Variants in NBEAL2 observed in about 807,000 individuals in gnomAD.
NBEAL2 encodes neurobeachin like 2, also known as neurobeachin-like protein 2.
In NBEAL2, 160 loss-of-function variants were observed where a neutral mutation model predicts 299.8. That is an observed-to-expected ratio of 0.53 (90% CI 0.47 to 0.61). The LOEUF is 0.61. NBEAL2 is among the 20% of genes least tolerant of loss of function. The pLI, the probability that NBEAL2 is intolerant of heterozygous loss-of-function variation, is 0.00. For missense variants in NBEAL2, 3,112 were observed against 3,649.0 expected, an observed-to-expected ratio of 0.85 and a Z score of 3.79; for synonymous variants, 1,493 against 1,542.3, an observed-to-expected ratio of 0.97 and a Z score of 0.75.
intron 47 of NBEAL2, 53 bp downstream of exon 47, chr3:47,007,403 T>C: frequency 1.3e-6 from 2 of 1,560,518 alleles, no homozygotes; most frequent in Non-Finnish European, 1.7e-6. Context: ...GCACCCGGAA[T>C]TATTCCCCTC....
Position 47,000,507 on chromosome 3 carries a change from A to C in NBEAL2, c.4305+103A>C. The C allele has an allele frequency of 2.1e-6, 3 of 1,444,440 alleles. No individual in the cohort carries two copies. Among genetic ancestry groups the C allele is most frequent in the Non-Finnish European group, 2.8e-6 (3 of 1,075,220 alleles). 89.5% of individuals were successfully genotyped at this position (1,444,440 alleles called of 1,614,324 possible). On this transcript the variant is annotated intron_variant, in intron 27 of 53. Coordinates refer to ENST00000450053, the MANE Select transcript of NBEAL2 (RefSeq NM_015175.3). The surrounding 1 kb of genome is among the most constrained non-coding windows in gnomAD (Gnocchi z 4.5). ...CTCTCCAAAGGTGTGGCCCTGTCTG[A>C]CCAGGGTTGCAGCCACTGGTCAGGC...
intron 15 of NBEAL2, 63 bp from the exon 16 acceptor site, chr3:46,996,208 G>C: frequency 6.3e-7 from 1 of 1,590,112 alleles, no homozygotes; most frequent in East Asian, 2.2e-5. Flanking sequence ...GTGAGGAACT[G>C]GTTGTAGGCG....
rs768807229 is a variant in NBEAL2 at position 46,998,834 on chromosome 3, G to A, written c.3339G>A (p.Thr1113=). The A allele has an allele frequency of 1.0e-5, 16 of 1,577,702 alleles. No homozygotes were observed. Among genetic ancestry groups the A allele is most frequent in the Non-Finnish European group, 1.4e-5 (16 of 1,162,046 alleles). The change falls in exon 23 of 54, where the codon ACG becomes ACA. Residue 1113 remains threonine (T), a synonymous_variant. Transcript: ENST00000450053. The part of the protein sequence containing the change: ...RSLSADDVQV[T]QTMLSFLAAT... ...TCTCAGCAGATGACGTGCAGGTCAC[G>A]CAGACCATGCTGAGCTTTTTGGCGG...
At chr3:46,993,227 G>T (rs575266065) in intron 10 of NBEAL2, among the ~76,000 whole-genome samples, 1 of 152,234 alleles carries the variant, frequency 6.6e-6, no homozygotes, top group South Asian at 2.1e-4. Context: ...TACAGATGAG[G>T]ACACTGAGGC....
chr3:46,996,657 G>C (rs932361814), intron 16 of NBEAL2, 65 bp downstream of exon 16: 6 of 1,525,258 alleles, frequency 3.9e-6, no homozygotes, highest in South Asian at 3.8e-5. Flanking sequence ...GGGGGAGAAG[G>C]CATCTCTGGG....
rs190479760 is a variant in NBEAL2 at position 47,002,325 on chromosome 3, G to T, written c.5151+37G>T. ...TTGGGGCCCAGGAAGAGGAGTGGGG[G>T]CTGGGGCCCACATCGAGCACTGTTC... On this transcript the variant is annotated intron_variant, in intron 31 of 53. Coordinates refer to ENST00000450053, the MANE Select transcript of NBEAL2 (RefSeq NM_015175.3). The T allele has an allele frequency of 6.2e-6, 10 of 1,601,592 alleles. No homozygotes were observed. The East Asian group carries it at 1.8e-4, about 29-fold the overall frequency.
chr3:47,005,256 C>A lies in NBEAL2; in HGVS notation c.6495C>A (p.Gly2165=), dbSNP rs757674940. The change falls in exon 40 of 54, where the codon GGC becomes GGA. Residue 2165 remains glycine, a synonymous_variant. Coordinates refer to ENST00000450053, the MANE Select transcript of NBEAL2 (RefSeq NM_015175.3). The part of the protein sequence containing the change: ...HYGTHYSNAA[G]VMHYLIRVEP... ...GCACCCACTACTCCAATGCAGCAGG[C>A]GTGATGCACTACCTCATCCGCGTGG... 1.9e-6 allele frequency: 3 copies of A among 1,613,388 alleles called. No homozygotes were observed. The highest frequency in any genetic ancestry group is 2.7e-5 in the African/African-American group (2 of 74,956).
rs772600481 is a variant in NBEAL2 at position 47,002,482 on chromosome 3, C to A, written c.5263C>A (p.Arg1755Ser). 1.9e-6 allele frequency: 3 copies of A among 1,612,910 alleles called. No homozygotes were observed. The African/African-American group carries it at 4.0e-5, about 22-fold the overall frequency. ...CATGCTTATGAGCAGTGGGCAGCGGCGCCAGTGGGAGCGCGCCCAGAGTCG... is the reference window on the plus strand; with the variant it reads ...CATGCTTATGAGCAGTGGGCAGCGGAGCCAGTGGGAGCGCGCCCAGAGTCG... Reference protein sequence around the residue: ...YDMLMSSGQRRQWERAQSRRA... With the variant: ...YDMLMSSGQRSQWERAQSRRA... The change falls in exon 32 of 54, where the codon CGC (arginine) becomes AGC (serine). Residue 1755 changes from arginine (R) to serine (S), a missense_variant. Physicochemically the swap from Arg to Ser is moderately radical, Grantham distance 110. Coordinates refer to ENST00000450053, the MANE Select transcript of NBEAL2 (RefSeq NM_015175.3).
rs187699322 is a variant in NBEAL2, at chr3:47,003,189, C to T, written c.5600C>T (p.Thr1867Ile). The T allele has an allele frequency of 2.8e-4, 453 of 1,609,356 alleles. 1 individual carries two copies. The African/African-American group carries it at 5.4e-3, about 19-fold the overall frequency. Reference protein sequence around the residue: ...LRDNLGEVPLTPTEEASLPLA... With the variant: ...LRDNLGEVPLIPTEEASLPLA... ...CCCCTTGCAGGTGAGGTTCCCCTGA[C>T]ACCCACCGAGGAGGCCTCACTGCCT... The change falls in exon 35 of 54, where the codon ACA becomes ATA. Residue 1867 changes from threonine to isoleucine, a missense_variant. Physicochemically the swap from Thr to Ile is moderately conservative, Grantham distance 89. Transcript: ENST00000450053. This position sits in a 1 kb window ranked among gnomAD's most constrained non-coding sequence, Gnocchi z 7.0.
At position 46,979,856 on chromosome 3, in the gene NBEAL2, C is replaced by T. The variant is rs947179548; in HGVS notation, c.-6C>T. Reference sequence around the variant, plus strand: ...GCGCGCAGCAGGGCCGGAGCCGGGCCGGGCCATGGCCGCCTCGGAGCGGCT... The same window carrying T: ...GCGCGCAGCAGGGCCGGAGCCGGGCTGGGCCATGGCCGCCTCGGAGCGGCT... On this transcript the variant is annotated 5_prime_UTR_variant, in exon 1 of 54. Transcript: ENST00000450053. 8.7e-6 allele frequency: 4 copies of T among 461,132 alleles called. No homozygotes were observed. In the East Asian group the frequency reaches 1.5e-4, roughly 17 times the overall value. 28.6% of individuals were successfully genotyped at this position (461,132 alleles called of 1,614,324 possible).
Position 47,004,211 on chromosome 3 carries a change from G to A in NBEAL2, c.6016G>A (p.Val2006Met), listed in dbSNP as rs762950902. The A allele has an allele frequency of 6.2e-7, 1 of 1,613,752 alleles. No homozygotes were observed. Among genetic ancestry groups the A allele is most frequent in the Non-Finnish European group, 8.5e-7 (1 of 1,179,822 alleles). ...ANYFLNFPCKVGTTPVSSPSQ... is the reference protein window; with the variant it reads ...ANYFLNFPCKMGTTPVSSPSQ... Reference sequence around the variant, plus strand: ...CTACTTCCTCAACTTCCCATGCAAGGTGGGCACGACCCCAGTCTCATCTCC... The same window carrying A: ...CTACTTCCTCAACTTCCCATGCAAGATGGGCACGACCCCAGTCTCATCTCC... The change falls in exon 37 of 54, where the codon GTG becomes ATG. Residue 2006 changes from valine to methionine, a missense_variant. By Grantham distance (21) the Val-to-Met change is conservative. Coordinates refer to ENST00000450053, the MANE Select transcript of NBEAL2 (RefSeq NM_015175.3). The surrounding 1 kb of genome is among the most constrained non-coding windows in gnomAD (Gnocchi z 5.0).
intron 18 of NBEAL2, 58 bp from the exon 19 acceptor site, chr3:46,997,201 G>A (rs2036565953): frequency 6.2e-7 from 1 of 1,600,608 alleles, no homozygotes; most frequent in African/African-American, 1.3e-5. Flanking sequence ...CTGCTGGGGT[G>A]GAGTAGGGCA....
Position 47,001,557 on chromosome 3 carries a change from T to G in NBEAL2, c.4644+119T>G. 5.8e-6 allele frequency: 9 copies of G among 1,554,298 alleles called. No individual in the cohort carries two copies. Among genetic ancestry groups the G allele is most frequent in the Non-Finnish European group, 7.9e-6 (9 of 1,146,482 alleles). Reference sequence around the variant, plus strand: ...GCAGGTGTGGGTGCATCAGCATGAATGCCTGTGAGTGTGGACTTGCCTGTG... The same window carrying G: ...GCAGGTGTGGGTGCATCAGCATGAAGGCCTGTGAGTGTGGACTTGCCTGTG... On this transcript the variant is annotated intron_variant, in intron 29 of 53. Transcript: ENST00000450053. The surrounding 1 kb of genome is among the most constrained non-coding windows in gnomAD (Gnocchi z 6.1).
rs934660612 is a variant in NBEAL2, at chr3:47,000,162, C to T, written c.4063C>T (p.Pro1355Ser). 6.2e-7 allele frequency: 1 copy of T among 1,613,766 alleles called. No individual in the cohort carries two copies. The highest frequency in any genetic ancestry group is 1.7e-5 in the Admixed American group (1 of 60,008). ...CCATGCTCTCTCCCCATTCTGCACG[C>T]CCTTTGACCTGGGCCTGGAACGGTC... ...FYHALSPFCTPFDLGLERSSV... is the reference protein window; with the variant it reads ...FYHALSPFCTSFDLGLERSSV... The change falls in exon 27 of 54, where the codon CCC becomes TCC. Residue 1355 changes from proline (P) to serine (S), a missense_variant. Pro to Ser is a moderately conservative substitution (Grantham distance 74). Transcript: ENST00000450053. This position sits in a 1 kb window ranked among gnomAD's most constrained non-coding sequence, Gnocchi z 4.5.
chr3:46,986,162 G>A (rs1309750883), intron 1 of NBEAL2, among the ~76,000 whole-genome samples: 1 of 152,174 alleles, frequency 6.6e-6, no homozygotes, highest in Non-Finnish European at 1.5e-5. Flanking sequence ...CCTGAAGGCT[G>A]TCTTGATTGT....
At chr3:46,981,689 G>C (rs964218912) in intron 1 of NBEAL2, among the ~76,000 whole-genome samples, 1 of 152,154 alleles carries the variant, frequency 6.6e-6, no homozygotes, top group Non-Finnish European at 1.5e-5. Flanking sequence ...GCAGGCTCTA[G>C]GTGCATGGGC....
In NBEAL2 at chr3:47,000,831, C is replaced by G; in HGVS notation, c.4306-170C>G. 2.0e-6 allele frequency: 2 copies of G among 994,340 alleles called. No individual in the cohort carries two copies. The highest frequency in any genetic ancestry group is 3.3e-5 in the African/African-American group (2 of 60,906). The allele number at this position is 994,340 out of a possible 1,614,324, so 61.6% of individuals were successfully genotyped here. A position where few individuals can be genotyped will look rare whatever the true frequency, so the allele number is the denominator to read the frequency against. On this transcript the variant is annotated intron_variant, in intron 27 of 53. Coordinates refer to ENST00000450053, the MANE Select transcript of NBEAL2 (RefSeq NM_015175.3). The surrounding 1 kb of genome is among the most constrained non-coding windows in gnomAD (Gnocchi z 4.5). ...TGGAACTCAGGTAGTAGTTGAGACC[C>G]CTATACCATTCTTCCAGGCCCTTAG...
At position 46,995,952 on chromosome 3, in the gene NBEAL2, T is replaced by C. The variant is rs554028885; in HGVS notation, c.2052T>C (p.His684=). The C allele has an allele frequency of 2.7e-5, 44 of 1,613,402 alleles. No homozygotes were observed. Among genetic ancestry groups the C allele is most frequent in the Middle Eastern group, 1.6e-4 (1 of 6,062 alleles). Residue 684 remains histidine, a synonymous_variant, in exon 15 of 54, where the codon CAT becomes CAC. Coordinates refer to ENST00000450053, the MANE Select transcript of NBEAL2 (RefSeq NM_015175.3). ...DSAWHCVAIV[H]VPGRRPFSQN... is the part of the protein sequence containing the mutation. ...TCTAGCACTGCGTGGCTATCGTCCA[T>C]GTGCCTGGGCGCCGGCCCTTCAGCC...
intron 1 of NBEAL2, chr3:46,987,996 A>G (rs1378267970): frequency 7.8e-7 from 1 of 1,275,932 alleles, no homozygotes; most frequent in Non-Finnish European, 1.0e-6. Flanking sequence ...GTTCACACCA[A>G]AGTTTTCCTG....
Sources: gnomAD v4.1 joint callset for allele counts (sites outside exome capture counted in the v4.1 genomes callset) on GRCh38, gnomAD v4.1.1 for gene constraint, Gnocchi (gnomAD v3.1) non-coding constraint, MANE v1.5 for transcripts, NCBI Gene and HGNC (gene_info 2026-07-23, HGNC 2026-07-21) for gene names.